The following DOK5 variants were observed in gnomAD, a reference collection of about 807,000 sequenced individuals.
The protein encoded by DOK5 is docking protein 5.
In DOK5, 27 loss-of-function variants were observed where a neutral mutation model predicts 43.3. That is an observed-to-expected ratio of 0.62 (90% CI 0.46 to 0.86). The LOEUF (loss-of-function observed/expected upper bound fraction) is 0.86. DOK5 is among the 40% of genes least tolerant of loss of function. DOK5 has a pLI of 0.00. For missense variants in DOK5, 373 were observed against 392.9 expected (o/e 0.95, Z 0.43); for synonymous variants, 146 against 140.1 (o/e 1.04, Z -0.30).
At chr20:54,620,625 A>G (rs1309480389) in intron 6 of DOK5, among the ~76,000 whole-genome samples, 3 of 152,176 alleles carry the variant, frequency 2.0e-5, no homozygotes, top group East Asian at 1.9e-4. Flanking sequence ...TGTGGGTTCA[A>G]TTTGCTATGG....
chr20:54,563,636 C>G, intron 2 of DOK5, among the ~76,000 whole-genome samples: 1 of 147,814 alleles, frequency 6.8e-6, no homozygotes, highest in Non-Finnish European at 1.5e-5. Flanking sequence ...TGCCTGTCCC[C>G]TTTGCTTTTC....
chr20:54,524,601 A>G (rs1248148446), intron 1 of DOK5, among the ~76,000 whole-genome samples: 1 of 152,206 alleles, frequency 6.6e-6, no homozygotes, highest in Non-Finnish European at 1.5e-5. Flanking sequence ...TCATTATTCA[A>G]TAGGAAAAAC....
intron 1 of DOK5, among the ~76,000 whole-genome samples, chr20:54,553,324 T>C (rs1203199453): frequency 6.6e-6 from 1 of 152,028 alleles, no homozygotes; most frequent in African/African-American, 2.4e-5. Flanking sequence ...GCCTCCCAAG[T>C]AGCTGGGACG....
chr20:54,629,356 A>G (rs955487660), intron 6 of DOK5, among the ~76,000 whole-genome samples: 3 of 152,232 alleles, frequency 2.0e-5, no homozygotes, highest in African/African-American at 7.2e-5. Flanking sequence ...ATTAATTTCA[A>G]AATAAAGCAC....
intron 1 of DOK5, among the ~76,000 whole-genome samples, chr20:54,539,688 C>A (rs1014094964): frequency 2.0e-5 from 3 of 152,192 alleles, no homozygotes; most frequent in Admixed American, 6.5e-5. Flanking sequence ...AGAGCTAAGT[C>A]ATTCCAGGCA....
At chr20:54,558,660 G>A (rs760131969) in intron 2 of DOK5, among the ~76,000 whole-genome samples, 13 of 152,130 alleles carry the variant, frequency 8.5e-5, no homozygotes, top group African/African-American at 2.4e-4. Context: ...AAATAAAGCC[G>A]TTTCCAAAAG....
At chr20:54,646,248 G>GTTTT (rs386394048) in intron 7 of DOK5, among the ~76,000 whole-genome samples, 1,644 of 79,868 alleles carry the variant, frequency 0.021, 74 homozygotes, top group Middle Eastern at 0.037. Flanking sequence ...TGGTTATACT[G>GTTTT]TTTTTTTTTT....
In DOK5 at chr20:54,590,282, C is replaced by T. The variant is rs368950177; in HGVS notation, c.410-1334C>T. ...TATTATAAATTCAACTGTGTCCTCT[C>T]AGGCCCTTTCCAATGTTAATTAGTA... On this transcript the variant is annotated intron_variant, in intron 4 of 7. Transcript: ENST00000262593. Among the ~76,000 whole-genome samples the T allele has an allele frequency of 4.6e-5, 7 of 152,282 alleles. No individual in the cohort carries two copies. The East Asian group carries it at 9.7e-4, about 21-fold the overall frequency.
At chr20:54,563,084 G>T (rs1483382071) in intron 2 of DOK5, among the ~76,000 whole-genome samples, 22 of 152,160 alleles carry the variant, frequency 1.4e-4, no homozygotes, top group Admixed American at 1.4e-3. Flanking sequence ...AAAAGCCAAA[G>T]GTGTCAAGGA....
chr20:54,573,566 A>G (rs1985359846), intron 2 of DOK5, among the ~76,000 whole-genome samples: 1 of 151,284 alleles, frequency 6.6e-6, no homozygotes. Context: ...ACATGCGTGT[A>G]TTCCCAGCTA....
intron 2 of DOK5, among the ~76,000 whole-genome samples, chr20:54,580,687 C>G (rs1028403962): frequency 1.3e-5 from 2 of 152,106 alleles, no homozygotes; most frequent in African/African-American, 4.8e-5. Flanking sequence ...TTTGAATAGA[C>G]ATTTGCCCAT....
intron 1 of DOK5, among the ~76,000 whole-genome samples, chr20:54,501,366 T>C (rs1290021965): frequency 6.8e-6 from 1 of 146,362 alleles, no homozygotes; most frequent in Non-Finnish European, 1.5e-5. Context: ...ACTCAGGAGG[T>C]TGAGGCAGGA....
intron 6 of DOK5, among the ~76,000 whole-genome samples, chr20:54,616,794 T>C (rs1215365929): frequency 1.8e-4 from 26 of 140,652 alleles, no homozygotes; most frequent in African/African-American, 7.3e-4. Context: ...CTTTTTTTTT[T>C]TTTTTTGTGT....
At chr20:54,487,858 G>T (rs1469249528) in intron 1 of DOK5, among the ~76,000 whole-genome samples, 2 of 152,198 alleles carry the variant, frequency 1.3e-5, no homozygotes, top group East Asian at 3.9e-4. Flanking sequence ...AATGGATACT[G>T]CTGTGATTAA....
intron 1 of DOK5, among the ~76,000 whole-genome samples, chr20:54,480,169 G>C (rs1981612125): frequency 6.6e-6 from 1 of 152,184 alleles, no homozygotes; most frequent in Non-Finnish European, 1.5e-5. Flanking sequence ...GTGTGAACCA[G>C]AGCAACTCCA....
intron 6 of DOK5, among the ~76,000 whole-genome samples, chr20:54,614,428 T>C (rs950133062): frequency 8.5e-5 from 13 of 152,290 alleles, no homozygotes; most frequent in Admixed American, 4.6e-4. Flanking sequence ...TGTCATTGTA[T>C]TAGTGTTGTG....
chr20:54,507,898 T>C (rs2146684306), intron 1 of DOK5, among the ~76,000 whole-genome samples: 1 of 152,104 alleles, frequency 6.6e-6, no homozygotes, highest in East Asian at 1.9e-4. Context: ...ATGAGGAGAG[T>C]GGATGCATTC....
chr20:54,623,457 G>A (rs1987048121), intron 6 of DOK5, among the ~76,000 whole-genome samples: 1 of 152,152 alleles, frequency 6.6e-6, no homozygotes, highest in South Asian at 2.1e-4. Flanking sequence ...TAATAAGTGG[G>A]TGATACTAAT....
intron 7 of DOK5, among the ~76,000 whole-genome samples, chr20:54,644,095 G>A (rs1044848079): frequency 2.0e-5 from 3 of 152,166 alleles, no homozygotes; most frequent in African/African-American, 4.8e-5. Context: ...TGATTCTCCC[G>A]AGAGCTCAGG....
Sources: gnomAD v4.1 joint callset for allele counts (sites outside exome capture counted in the v4.1 genomes callset) on GRCh38, gnomAD v4.1.1 for gene constraint, MANE v1.5 for transcripts, NCBI Gene and HGNC (gene_info 2026-07-23, HGNC 2026-07-21) for gene names.